ZNF532: variants seen among roughly 807,000 people sequenced by gnomAD.
The protein encoded by ZNF532 is zinc finger protein 532.
Under a neutral mutation model 89.3 loss-of-function variants are expected in ZNF532, and 22 were observed. The ratio of observed to expected loss-of-function variants is 0.25; its 90% CI spans 0.18 to 0.35. ZNF532 has a LOEUF of 0.35. Among genes scored for constraint, ZNF532 ranks in the 10% least tolerant of loss-of-function variants. The pLI is 1.00. For missense variants in ZNF532, 1,132 were observed against 1,643.4 expected (o/e 0.69, Z 5.38); for synonymous variants, 606 against 649.6 (o/e 0.93, Z 1.02).
At chr18:58,978,992 T>C in intron 7 of ZNF532, 63 bp from the exon 8 acceptor site, 1 of 1,306,202 alleles carries the variant, frequency 7.7e-7, no homozygotes, top group Non-Finnish European at 1.1e-6. Flanking sequence ...TACAAAAGAG[T>C]TCTTAATTGT....
intron 2 of ZNF532, among the ~76,000 whole-genome samples, chr18:58,904,339 G>A (rs2059787624): frequency 6.7e-6 from 1 of 149,860 alleles, no homozygotes; most frequent in East Asian, 2.0e-4. Context: ...GCAACCTAGT[G>A]AGACCTTGTC....
chr18:58,882,820 C>T (rs999336549), intron 2 of ZNF532, among the ~76,000 whole-genome samples: 1 of 152,198 alleles, frequency 6.6e-6, no homozygotes, highest in Non-Finnish European at 1.5e-5. Context: ...ATTCCAGCAT[C>T]AGATAAGCTT....
intron 3 of ZNF532, among the ~76,000 whole-genome samples, chr18:58,925,616 G>T (rs1210098501): frequency 1.3e-5 from 2 of 152,088 alleles, no homozygotes; most frequent in African/African-American, 4.8e-5. Flanking sequence ...TGTAATTTTC[G>T]TGAAGTCAAG....
At chr18:58,880,127 G>A (rs2057765101) in intron 2 of ZNF532, among the ~76,000 whole-genome samples, 1 of 152,124 alleles carries the variant, frequency 6.6e-6, no homozygotes, top group South Asian at 2.1e-4. Flanking sequence ...GGGAATGGTG[G>A]GAACACTTAC....
chr18:58,948,501 T>G (rs2146920851), intron 6 of ZNF532, among the ~76,000 whole-genome samples: 1 of 152,084 alleles, frequency 6.6e-6, no homozygotes, highest in East Asian at 1.9e-4. Context: ...AGTACTAAGT[T>G]TTTTGTTTTT....
At chr18:58,905,813 C>T (rs553693759) in intron 2 of ZNF532, among the ~76,000 whole-genome samples, 1 of 152,332 alleles carries the variant, frequency 6.6e-6, no homozygotes, top group East Asian at 1.9e-4. Flanking sequence ...AGGAGTCCGT[C>T]TAGGATATCA....
At chr18:58,973,360 C>T (rs1192637841) in intron 7 of ZNF532, among the ~76,000 whole-genome samples, 1 of 152,216 alleles carries the variant, frequency 6.6e-6, no homozygotes, top group African/African-American at 2.4e-5. Flanking sequence ...GCCTTGGCTT[C>T]CAAAGTGCTG....
In ZNF532 at chr18:58,904,351, C is replaced by CA. The variant is rs751898425; in HGVS notation, c.-17-13906dup. ...TAGGCAACCTAGTGAGACCTTGTCT[C>CA]AAAAAAAAAAAAAATAATGTATATG... is the stretch of plus-strand genomic sequence containing the variant. On this transcript the variant is annotated intron_variant, in intron 2 of 9. Transcript: ENST00000591808. Among the ~76,000 whole-genome samples, 831 of 115,276 alleles carry CA rather than the reference C, an allele frequency of 7.2e-3. 5 individuals are homozygous for CA. Among genetic ancestry groups the CA allele is most frequent in the South Asian group, 8.7e-3 (29 of 3,330 alleles). The allele number at this position is 115,276 out of a possible 152,430, so 75.6% of individuals were successfully genotyped here.
At chr18:58,951,302 T>G (rs1460926215) in intron 6 of ZNF532, among the ~76,000 whole-genome samples, 4 of 152,162 alleles carry the variant, frequency 2.6e-5, no homozygotes, top group Non-Finnish European at 5.9e-5. Context: ...ACTTGTTGCT[T>G]CTTTTCTGTA....
intron 7 of ZNF532, among the ~76,000 whole-genome samples, chr18:58,959,837 T>C (rs2065176576): frequency 6.6e-6 from 1 of 152,226 alleles, no homozygotes; most frequent in South Asian, 2.1e-4. Flanking sequence ...CTGAACACTA[T>C]AGATTTTTTT....
intron 3 of ZNF532, chr18:58,934,143 G>T (rs1422125941): frequency 1.4e-5 from 4 of 289,304 alleles, no homozygotes; most frequent in African/African-American, 8.5e-5. Context: ...ATACCTCTTT[G>T]CCCTAAGCAA....
chr18:58,879,163 T>G (rs1313918621), intron 2 of ZNF532, among the ~76,000 whole-genome samples: 11 of 152,308 alleles, frequency 7.2e-5, no homozygotes, highest in African/African-American at 2.4e-4. Flanking sequence ...CGGGGCCTGC[T>G]ACAGTAGGAG....
At chr18:58,912,903 T>C (rs8084470) in intron 2 of ZNF532, among the ~76,000 whole-genome samples, 12,790 of 152,070 alleles carry the variant, frequency 0.084, 1,030 homozygotes, top group East Asian at 0.39. Context: ...TGGCAGCTGC[T>C]CCAGAGGCGC....
At chr18:58,884,658 C>T (rs1602612863) in intron 2 of ZNF532, among the ~76,000 whole-genome samples, 1 of 152,278 alleles carries the variant, frequency 6.6e-6, no homozygotes. Flanking sequence ...AGGAATGCTT[C>T]TAAAGTTGGT....
chr18:58,973,714 A>G (rs2066721530), intron 7 of ZNF532, among the ~76,000 whole-genome samples: 1 of 152,202 alleles, frequency 6.6e-6, no homozygotes, highest in African/African-American at 2.4e-5. Context: ...TTTATTCATA[A>G]TATCAAAAAC....
At position 58,934,490 on chromosome 18, in the gene ZNF532, C is replaced by A; in HGVS notation, c.2404C>A (p.Gln802Lys). ...LPNQCSYASH[Q>K]RIHQHKSPYT... Reference sequence around the variant, plus strand: ...TAACCAGTGCAGTTATGCATCACACCAGAGAATCCATCAGCACAAATCTCC... The same window carrying A: ...TAACCAGTGCAGTTATGCATCACACAAGAGAATCCATCAGCACAAATCTCC... The change falls in exon 4 of 10, where the codon CAG becomes AAG. Residue 802 changes from glutamine to lysine, a missense_variant. Physicochemically the swap from Gln to Lys is moderately conservative, Grantham distance 53. This residue lies in a region of ZNF532 where 100 missense variants were observed against 122.0 expected (regional missense o/e 0.82). Transcript: ENST00000591808. 1 of 1,614,126 alleles carries A rather than the reference C, an allele frequency of 6.2e-7. No homozygotes were observed. The highest frequency in any genetic ancestry group is 1.1e-5 in the South Asian group (1 of 91,074).
At chr18:58,878,221 C>G (rs546586347) in intron 2 of ZNF532, among the ~76,000 whole-genome samples, 49 of 152,042 alleles carry the variant, frequency 3.2e-4, no homozygotes, top group African/African-American at 1.1e-3. Context: ...AGCCACTGCA[C>G]TCCAGCCTGG....
chr18:58,943,527 A>G (rs887850095), intron 5 of ZNF532, among the ~76,000 whole-genome samples: 6 of 150,932 alleles, frequency 4.0e-5, no homozygotes, highest in African/African-American at 1.5e-4. Context: ...CAGTGGCGCA[A>G]TCTTGGCTCA....
At chr18:58,940,933 C>CACACAG (rs767293020) in intron 5 of ZNF532, among the ~76,000 whole-genome samples, 1 of 137,914 alleles carries the variant, frequency 7.3e-6, no homozygotes, top group Non-Finnish European at 1.6e-5. Context: ...TACACACACA[C>CACACAG]ACACACACAC....
Sources: gnomAD v4.1 joint callset for allele counts (sites outside exome capture counted in the v4.1 genomes callset) on GRCh38, gnomAD v4.1.1 for gene constraint, gnomAD v4.1.1 regional missense constraint, MANE v1.5 for transcripts, NCBI Gene and HGNC (gene_info 2026-07-23, HGNC 2026-07-21) for gene names.